The following WDR70 variants were observed in gnomAD, a reference collection of about 807,000 sequenced individuals.
The protein encoded by WDR70 is WD repeat domain 70, also known as WD repeat-containing protein 70.
Under a neutral mutation model 88.6 loss-of-function variants are expected in WDR70, and 53 were observed. That is an observed-to-expected ratio of 0.60 (90% CI 0.48 to 0.75). The LOEUF (loss-of-function observed/expected upper bound fraction) is 0.75. Ranked by LOEUF, WDR70 falls within the 30% of genes least tolerant of loss-of-function variation. WDR70 has a pLI of 0.00. For missense variants in WDR70, 610 were observed against 823.2 expected (o/e 0.74, Z 3.17); for synonymous variants, 280 against 270.0 (o/e 1.04, Z -0.36).
chr5:37,702,878 T>A (rs1747204945), intron 12 of WDR70, 71 bp from the exon 13 acceptor site: 1 of 1,467,752 alleles, frequency 6.8e-7, no homozygotes, highest in Non-Finnish European at 9.3e-7. Context: ...ATATTTTATT[T>A]AATTCACTAA....
chr5:37,655,797 A>G (rs1210765081), intron 10 of WDR70, among the ~76,000 whole-genome samples: 4 of 151,736 alleles, frequency 2.6e-5, no homozygotes, highest in East Asian at 1.9e-4. Flanking sequence ...CAGATCATTT[A>G]TGTTCTTCTC....
At chr5:37,386,850 C>T (rs1310454454) in intron 3 of WDR70, among the ~76,000 whole-genome samples, 1 of 152,078 alleles carries the variant, frequency 6.6e-6, no homozygotes, top group Non-Finnish European at 1.5e-5. Flanking sequence ...GTAATCCCAG[C>T]ACTTTGGGAG....
intron 10 of WDR70, among the ~76,000 whole-genome samples, chr5:37,664,207 G>A (rs1174122817): frequency 6.6e-6 from 1 of 151,886 alleles, no homozygotes; most frequent in African/African-American, 2.4e-5. Context: ...ACCACTGCAG[G>A]GTGATCTTTT....
intron 10 of WDR70, among the ~76,000 whole-genome samples, chr5:37,682,604 T>C (rs912152217): frequency 6.6e-6 from 1 of 152,200 alleles, no homozygotes; most frequent in Non-Finnish European, 1.5e-5. Flanking sequence ...CTTAGCTGTG[T>C]CCCAGAGATT....
At chr5:37,611,564 T>C (rs891701901) in intron 10 of WDR70, among the ~76,000 whole-genome samples, 1 of 152,068 alleles carries the variant, frequency 6.6e-6, no homozygotes, top group Non-Finnish European at 1.5e-5. Context: ...AAAAATGCAT[T>C]GATATATTTT....
At chr5:37,464,505 G>A (rs1373713186) in intron 7 of WDR70, among the ~76,000 whole-genome samples, 1 of 152,162 alleles carries the variant, frequency 6.6e-6, no homozygotes, top group Non-Finnish European at 1.5e-5. Context: ...GAGCAATGAG[G>A]ATTGGCTAGT....
At chr5:37,464,522 T>G (rs1174513724) in intron 7 of WDR70, among the ~76,000 whole-genome samples, 1 of 152,034 alleles carries the variant, frequency 6.6e-6, no homozygotes, top group Non-Finnish European at 1.5e-5. Flanking sequence ...TAGTAAAAAG[T>G]AAAGAGAACT....
At chr5:37,729,222 A>G (rs901280180) in intron 17 of WDR70, among the ~76,000 whole-genome samples, 5 of 152,178 alleles carry the variant, frequency 3.3e-5, no homozygotes, top group Non-Finnish European at 7.3e-5. Flanking sequence ...TTCTCCAAAG[A>G]GCCGTGGCTC....
At chr5:37,451,106 C>CA (rs5867351) in intron 7 of WDR70, among the ~76,000 whole-genome samples, 131,770 of 152,042 alleles carry the variant, frequency 0.87, 60,172 homozygotes, top group East Asian at 1. Context: ...CCATGTTGGT[C>CA]AGGCTGGTCT....
chr5:37,507,213 T>A lies in WDR70; in HGVS notation c.841-9301T>A, dbSNP rs1740588657. On this transcript the variant is annotated intron_variant, in intron 8 of 17. Transcript: ENST00000265107. ...GCACCCTGTCTATATCTACAAATAATCTTGTTAGAATTATTTTGTGGATAC... is the reference window on the plus strand; with the variant it reads ...GCACCCTGTCTATATCTACAAATAAACTTGTTAGAATTATTTTGTGGATAC... Among the ~76,000 whole-genome samples, 6 of 152,326 alleles carry A rather than the reference T, an allele frequency of 3.9e-5. No individual in the cohort carries two copies. In the South Asian group the frequency reaches 1.2e-3, roughly 32 times the overall value.
rs377591369 is a variant in WDR70 at position 37,452,237 on chromosome 5, C to T, written c.686+8865C>T. 2.6e-5 allele frequency among the ~76,000 whole-genome samples: 4 copies of T among 151,320 alleles called. No individual in the cohort carries two copies. In the South Asian group the frequency reaches 8.4e-4, roughly 32 times the overall value. Reference sequence around the variant, plus strand: ...ATGGGAGAGTCAAACTCTCATATGCCATTAGAAGCCTTTCTTTATTTTGAG... The same window carrying T: ...ATGGGAGAGTCAAACTCTCATATGCTATTAGAAGCCTTTCTTTATTTTGAG... On this transcript the variant is annotated intron_variant, in intron 7 of 17. Coordinates refer to ENST00000265107, the MANE Select transcript of WDR70 (RefSeq NM_018034.4).
chr5:37,431,237 C>T (rs958199985), intron 5 of WDR70, among the ~76,000 whole-genome samples: 4 of 152,164 alleles, frequency 2.6e-5, no homozygotes, highest in African/African-American at 9.7e-5. Context: ...AGAATATCAT[C>T]AGTGCTAGGC....
intron 5 of WDR70, among the ~76,000 whole-genome samples, chr5:37,431,204 A>AG (rs1307029570): frequency 1.3e-5 from 2 of 152,308 alleles, no homozygotes; most frequent in Non-Finnish European, 2.9e-5. Context: ...TCATGAAGGC[A>AG]GGAACCTTCT....
At chr5:37,703,829 G>C (rs1747238791) in intron 13 of WDR70, among the ~76,000 whole-genome samples, 1 of 152,092 alleles carries the variant, frequency 6.6e-6, no homozygotes, top group African/African-American at 2.4e-5. Context: ...GTATGAAACA[G>C]GCCAATTAAT....
intron 10 of WDR70, among the ~76,000 whole-genome samples, chr5:37,668,907 A>G (rs780747722): frequency 4.6e-5 from 7 of 152,250 alleles, no homozygotes; most frequent in Admixed American, 1.3e-4. Flanking sequence ...AGTGGTTGCA[A>G]TAGTGAACCT....
chr5:37,466,935 C>T (rs1739169400), intron 7 of WDR70, among the ~76,000 whole-genome samples: 2 of 151,670 alleles, frequency 1.3e-5, no homozygotes, highest in South Asian at 4.2e-4. Context: ...AATTGGGTAG[C>T]TTAAACAGTA....
At chr5:37,558,048 G>A (rs1742366134) in intron 9 of WDR70, among the ~76,000 whole-genome samples, 1 of 84,308 alleles carries the variant, frequency 1.2e-5, no homozygotes, top group Non-Finnish European at 2.5e-5. Context: ...GTAAGAACTA[G>A]CATGACCACT....
chr5:37,392,418 A>G (rs1367663840), intron 4 of WDR70, among the ~76,000 whole-genome samples: 4 of 151,884 alleles, frequency 2.6e-5, no homozygotes, highest in African/African-American at 7.3e-5. Flanking sequence ...TCCTGACCTC[A>G]GTTGATCCAC....
intron 13 of WDR70, among the ~76,000 whole-genome samples, chr5:37,705,475 G>A (rs1671140991): frequency 6.6e-6 from 1 of 152,076 alleles, no homozygotes; most frequent in South Asian, 2.1e-4. Flanking sequence ...ACACCCCAAA[G>A]AGTCCTATTA....
Sources: allele counts gnomAD v4.1 joint callset (sites outside exome capture counted in the v4.1 genomes callset), GRCh38; gene constraint gnomAD v4.1.1; transcripts MANE v1.5; gene names NCBI Gene and HGNC (gene_info 2026-07-23, HGNC 2026-07-21).